B3GALT1: variants seen among roughly 807,000 people sequenced by gnomAD.
B3GALT1 encodes beta-1,3-galactosyltransferase 1, also known as UDP-Gal:betaGlcNAc beta 1,3-galactosyltransferase, polypeptide 1.
B3GALT1 carries 10 observed loss-of-function variants against 23.2 expected under a neutral mutation model. The ratio of observed to expected loss-of-function variants is 0.43; its 90% CI spans 0.27 to 0.73. The LOEUF (loss-of-function observed/expected upper bound fraction) is 0.73, where lower values mean the gene tolerates loss of function less well. B3GALT1 is among the 30% of genes least tolerant of loss of function. The pLI, the probability that B3GALT1 is intolerant of heterozygous loss-of-function variation, is 0.21. For synonymous variants in B3GALT1, 156 were observed against 141.5 expected, an observed-to-expected ratio of 1.10 and a Z score of -0.73; for missense variants, 299 against 405.4, an observed-to-expected ratio of 0.74 and a Z score of 2.25.
intron 3 of B3GALT1, chr2:167,715,214 T>A: frequency 6.2e-7 from 1 of 1,614,020 alleles, no homozygotes; most frequent in Non-Finnish European, 8.5e-7. Context: ...ATCCGTTGTG[T>A]CTTCTTCAAG....
chr2:167,590,875 G>A (rs1202148192), intron 2 of B3GALT1, among the ~76,000 whole-genome samples: 1 of 152,158 alleles, frequency 6.6e-6, no homozygotes, highest in African/African-American at 2.4e-5. Flanking sequence ...AATTGAAAAA[G>A]GAGAGGGTAT....
chr2:167,702,848 A>G (rs1271853409), intron 3 of B3GALT1, among the ~76,000 whole-genome samples: 1 of 152,246 alleles, frequency 6.6e-6, no homozygotes, highest in Non-Finnish European at 1.5e-5. Flanking sequence ...AAGCTACAAA[A>G]GAAACATTAC....
At chr2:167,295,778 T>TGG (rs1001892135) in intron 1 of B3GALT1, among the ~76,000 whole-genome samples, 3 of 149,988 alleles carry the variant, frequency 2.0e-5, no homozygotes, top group South Asian at 2.1e-4. Flanking sequence ...CGTGTGTGTG[T>TGG]GTGTGTGTGT....
intron 2 of B3GALT1, among the ~76,000 whole-genome samples, chr2:167,603,557 C>A: frequency 6.6e-6 from 1 of 152,212 alleles, no homozygotes; most frequent in African/African-American, 2.4e-5. Context: ...CCTCATTAGG[C>A]AGCCTCTTCC....
Position 167,469,243 on chromosome 2 carries a change from C to T in B3GALT1, c.-510-20934C>T, listed in dbSNP as rs148778727. Among the ~76,000 whole-genome samples, 914 of 152,266 alleles carry T rather than the reference C, an allele frequency of 6.0e-3. 11 individuals carry two copies. Among genetic ancestry groups the T allele is most frequent in the African/African-American group, 0.021 (858 of 41,542 alleles). ...AAAACCCTATGCCACCTCTTGCTAG[C>T]TAAGTAGCTTTGGGAATCTTACTTA... On this transcript the variant is annotated intron_variant, in intron 1 of 4. Coordinates refer to ENST00000392690, the MANE Select transcript of B3GALT1 (RefSeq NM_020981.4).
intron 3 of B3GALT1, among the ~76,000 whole-genome samples, chr2:167,655,627 A>G (rs1685943499): frequency 6.6e-6 from 1 of 152,198 alleles, no homozygotes; most frequent in Non-Finnish European, 1.5e-5. Flanking sequence ...TTGTTCATTG[A>G]CAGTTTGTAA....
At chr2:167,449,167 A>G (rs1699050027) in intron 1 of B3GALT1, among the ~76,000 whole-genome samples, 2 of 152,078 alleles carry the variant, frequency 1.3e-5, no homozygotes, top group Non-Finnish European at 2.9e-5. Context: ...ATTGCATTGA[A>G]TCTGTAGATT....
chr2:167,794,475 T>G (rs1688506069), intron 3 of B3GALT1, among the ~76,000 whole-genome samples: 1 of 152,164 alleles, frequency 6.6e-6, no homozygotes, highest in African/African-American at 2.4e-5. Context: ...AACCAGAGCA[T>G]TTAATAAACA....
chr2:167,388,333 A>G (rs748893479), intron 1 of B3GALT1, among the ~76,000 whole-genome samples: 2 of 152,244 alleles, frequency 1.3e-5, no homozygotes, highest in Non-Finnish European at 2.9e-5. Context: ...GCCTTAAATC[A>G]TCAAACAAAA....
At chr2:167,582,964 C>T (rs1379282825) in intron 2 of B3GALT1, among the ~76,000 whole-genome samples, 1 of 152,188 alleles carries the variant, frequency 6.6e-6, no homozygotes, top group Non-Finnish European at 1.5e-5. Context: ...CCATGGGCTA[C>T]ACACTGGGCT....
chr2:167,776,040 G>GCACA (rs71003011), intron 3 of B3GALT1, among the ~76,000 whole-genome samples: 8,815 of 142,250 alleles, frequency 0.062, 413 homozygotes, highest in East Asian at 0.22. Context: ...ATGCAACTGT[G>GCACA]CACACACACA....
intron 2 of B3GALT1, among the ~76,000 whole-genome samples, chr2:167,639,508 C>T (rs971639316): frequency 6.6e-6 from 1 of 152,022 alleles, no homozygotes; most frequent in Admixed American, 6.6e-5. Flanking sequence ...GTAACTCCTT[C>T]ATAACTGTTA....
At chr2:167,410,226 G>A (rs894834299) in intron 1 of B3GALT1, among the ~76,000 whole-genome samples, 3 of 152,008 alleles carry the variant, frequency 2.0e-5, no homozygotes, top group East Asian at 1.9e-4. Flanking sequence ...AGTTGTGGCC[G>A]GGTGCGGTGG....
intron 1 of B3GALT1, among the ~76,000 whole-genome samples, chr2:167,335,360 C>T (rs2105243031): frequency 6.6e-6 from 1 of 152,206 alleles, no homozygotes; most frequent in African/African-American, 2.4e-5. Context: ...AGTACGGAGT[C>T]CTTCTTAGGC....
Position 167,871,409 on chromosome 2 carries a change from T to C in B3GALT1, c.*1389T>C, listed in dbSNP as rs769976504. The stretch of plus-strand genomic sequence containing the variant: ...GTCATCAGTAGCAGTAATATCATCT[T>C]AATATAAAATCTGCTGAAATAAAGA... On this transcript the variant is annotated 3_prime_UTR_variant, in exon 5 of 5. Transcript: ENST00000392690. 6.6e-6 allele frequency: 1 copy of C among 152,202 alleles called. No homozygotes were observed. Among genetic ancestry groups the C allele is most frequent in the Non-Finnish European group, 1.5e-5 (1 of 68,024 alleles). The allele number at this position is 152,202 out of a possible 1,614,324, so 9.4% of individuals were successfully genotyped here.
intron 3 of B3GALT1, among the ~76,000 whole-genome samples, chr2:167,805,569 A>G (rs1209414832): frequency 5.3e-5 from 8 of 152,180 alleles, no homozygotes; most frequent in African/African-American, 7.2e-5. Flanking sequence ...TCCCAGCACC[A>G]TTTATTAAAT....
Position 167,571,461 on chromosome 2 carries a change from T to C in B3GALT1, c.-409-75448T>C, listed in dbSNP as rs1374493057. ...GATTATACTCCTTGAGTATTCTGTG[T>C]TTCTAATCGAAGGGCAGCATGTAGA... is the stretch of plus-strand genomic sequence containing the variant. On this transcript the variant is annotated intron_variant, in intron 2 of 4. Transcript: ENST00000392690. Among the ~76,000 whole-genome samples, 12 of 152,004 alleles carry C rather than the reference T, an allele frequency of 7.9e-5. No individual in the cohort carries two copies. In the East Asian group the frequency reaches 1.9e-3, roughly 24 times the overall value.
intron 4 of B3GALT1, among the ~76,000 whole-genome samples, chr2:167,850,813 G>A (rs182861923): frequency 3.3e-5 from 5 of 152,022 alleles, no homozygotes; most frequent in African/African-American, 1.2e-4. Context: ...TGGGGACTTG[G>A]GGGGAAGAGT....
Position 167,412,698 on chromosome 2 carries a change from A to G in B3GALT1, c.-510-77479A>G, listed in dbSNP as rs77836024. ...AGAATTATTTACTAAAGTTGAACAT[A>G]TTGTATATTCCGTATGACCCAGAAA... On this transcript the variant is annotated intron_variant, in intron 1 of 4. Transcript: ENST00000392690. 5.0e-3 allele frequency among the ~76,000 whole-genome samples: 755 copies of G among 152,228 alleles called. 10 individuals carry two copies. Among genetic ancestry groups the G allele is most frequent in the African/African-American group, 0.017 (704 of 41,562 alleles).
Sources: gnomAD v4.1 joint callset for allele counts (sites outside exome capture counted in the v4.1 genomes callset) on GRCh38, gnomAD v4.1.1 for gene constraint, MANE v1.5 for transcripts, NCBI Gene and HGNC (gene_info 2026-07-23, HGNC 2026-07-21) for gene names.